SEPTIN6: variants seen among roughly 807,000 people sequenced by gnomAD.
SEPTIN6 encodes septin 6, also known as septin-6.
SEPTIN6 carries 8 observed loss-of-function variants against 33.6 expected under a neutral mutation model. The observed-to-expected ratio is 0.24, with a 90% CI of 0.14 to 0.43. The LOEUF is 0.43. Among genes scored for constraint, SEPTIN6 ranks in the 20% least tolerant of loss-of-function variants. SEPTIN6 has a pLI of 1.00. For missense variants in SEPTIN6, 250 were observed against 340.8 expected, an observed-to-expected ratio of 0.73 and a Z score of 2.10; for synonymous variants, 131 against 140.0, an observed-to-expected ratio of 0.94 and a Z score of 0.45.
intron 10 of SEPTIN6, among the ~76,000 whole-genome samples, chrX:119,620,767 C>T (rs1054979261): frequency 9.1e-6 from 1 of 110,359 alleles, no homozygotes; most frequent in African/African-American, 3.3e-5. Flanking sequence ...ATTACAGGCG[C>T]CTGCCACCAC....
intron 9 of SEPTIN6, among the ~76,000 whole-genome samples, chrX:119,626,231 TC>T (rs766423860): frequency 8.9e-6 from 1 of 112,191 alleles, no homozygotes; most frequent in East Asian, 2.8e-4. Context: ...GAGGGGTATC[TC>T]CCTGTTGGGG....
At chrX:119,664,535 A>G (rs1482760407) in intron 2 of SEPTIN6, among the ~76,000 whole-genome samples, 1 of 110,607 alleles carries the variant, frequency 9.0e-6, no homozygotes, top group Non-Finnish European at 1.9e-5. Context: ...TTTTTAAAAA[A>G]TGACAGCAGT....
At chrX:119,623,572 T>C (rs897669910) in intron 10 of SEPTIN6, among the ~76,000 whole-genome samples, 4 of 112,254 alleles carry the variant, frequency 3.6e-5, no homozygotes, top group Non-Finnish European at 7.5e-5. Flanking sequence ...GCGCGGTGGC[T>C]CACGCCTGTA....
At chrX:119,630,602 C>G (rs1246365797) in intron 8 of SEPTIN6, among the ~76,000 whole-genome samples, 1 of 112,100 alleles carries the variant, frequency 8.9e-6, no homozygotes. Flanking sequence ...GCCTGTAATA[C>G]CAGCACTTTG....
Position 119,675,534 on chromosome X carries a change from C to T in SEPTIN6, c.145+20G>A. On this transcript the variant is annotated intron_variant, in intron 2 of 10. Transcript: ENST00000394610. ...GGATCCATATTCTGTAATAGAATTT[C>T]CTGCTATGGAAATACTCACCCACGC... 1.0e-6 allele frequency: 1 copy of T among 975,669 alleles called. No individual in the cohort carries two copies. The highest frequency in any genetic ancestry group is 1.4e-6 in the Non-Finnish European group (1 of 721,084). The allele number at this position is 975,669 out of a possible 1,213,427, so 80.4% of individuals were successfully genotyped here.
intron 7 of SEPTIN6, among the ~76,000 whole-genome samples, chrX:119,635,809 C>T (rs2054051759): frequency 9.0e-6 from 1 of 111,473 alleles, no homozygotes; most frequent in Non-Finnish European, 1.9e-5. Context: ...CTGTCAAGGA[C>T]TTCTTGACAG....
chrX:119,618,590 G>A lies in SEPTIN6; in HGVS notation c.*1503C>T. ...GGTCATGGTCAGTGCCAGTGGGGCT[G>A]GGAGGCAGGAGCAAGTTGCGGAACT... On this transcript the variant is annotated 3_prime_UTR_variant, in exon 11 of 11. Coordinates refer to ENST00000394610, the MANE Select transcript of SEPTIN6 (RefSeq NM_145799.4). The A allele has an allele frequency of 9.7e-7, 1 of 1,033,654 alleles. No individual in the cohort carries two copies. Among genetic ancestry groups the A allele is most frequent in the Non-Finnish European group, 1.2e-6 (1 of 804,675 alleles). 85.2% of individuals were successfully genotyped at this position (1,033,654 alleles called of 1,213,427 possible). A position where few individuals can be genotyped will look rare whatever the true frequency, so the allele number is the denominator to read the frequency against.
intron 3 of SEPTIN6, among the ~76,000 whole-genome samples, chrX:119,659,633 C>T (rs1337513177): frequency 8.9e-6 from 1 of 111,891 alleles, no homozygotes; most frequent in Non-Finnish European, 1.9e-5. Flanking sequence ...ATGTGCTTCA[C>T]CACAACTCTC....
chrX:119,677,235 C>A (rs2054856625), intron 1 of SEPTIN6, among the ~76,000 whole-genome samples: 1 of 112,215 alleles, frequency 8.9e-6, no homozygotes, highest in African/African-American at 3.2e-5. Context: ...AGGGCCTTTG[C>A]TTCGCCTGCA....
intron 8 of SEPTIN6, among the ~76,000 whole-genome samples, chrX:119,629,770 T>C (rs950187712): frequency 8.9e-6 from 1 of 112,017 alleles, no homozygotes. Context: ...GACATTTTGT[T>C]AAAAAGAGTC....
At chrX:119,642,658 CTTGT>C (rs962761945) in intron 5 of SEPTIN6, among the ~76,000 whole-genome samples, 4 of 111,572 alleles carry the variant, frequency 3.6e-5, no homozygotes, top group African/African-American at 1.3e-4. Context: ...AAATCTGTCG[CTTGT>C]TTGTTTAATC....
chrX:119,652,612 G>A (rs1161283751), intron 4 of SEPTIN6, among the ~76,000 whole-genome samples: 1 of 111,547 alleles, frequency 9.0e-6, no homozygotes, highest in Non-Finnish European at 1.9e-5. Flanking sequence ...GAGCCATCTT[G>A]CTAGTCCCCA....
At chrX:119,661,831 G>A (rs1212995980) in intron 3 of SEPTIN6, among the ~76,000 whole-genome samples, 1 of 111,873 alleles carries the variant, frequency 8.9e-6, no homozygotes, top group African/African-American at 3.3e-5. Context: ...CCTGCCTCCC[G>A]GATTCAAGTG....
chrX:119,617,429 T>C lies in SEPTIN6; in HGVS notation c.*2664A>G, dbSNP rs763924315. The C allele has an allele frequency of 1.2e-6, 1 of 803,478 alleles. No individual in the cohort carries two copies. The highest frequency in any genetic ancestry group is 1.5e-6 in the Non-Finnish European group (1 of 669,714). The allele number at this position is 803,478 out of a possible 1,213,427, so 66.2% of individuals were successfully genotyped here. ...CACCAAACTTCCCTGATTATAAGGG[T>C]CACCTAGGGCACCTGTTACACACAG... On this transcript the variant is annotated 3_prime_UTR_variant, in exon 11 of 11. Transcript: ENST00000394610.
chrX:119,670,432 G>A (rs563739684), intron 2 of SEPTIN6, among the ~76,000 whole-genome samples: 9 of 107,003 alleles, frequency 8.4e-5, no homozygotes, highest in South Asian at 4.2e-4. Flanking sequence ...ATGGTGGTGC[G>A]CACCTGTGAT....
rs2053712630 is a variant in SEPTIN6, at chrX:119,619,409, C to T, written c.*684G>A. Reference sequence around the variant, plus strand: ...GGGAAACGTCTGCTATTTTCTTCAGCAGTTGTGTTTTATGGGAAGGGCTTG... The same window carrying T: ...GGGAAACGTCTGCTATTTTCTTCAGTAGTTGTGTTTTATGGGAAGGGCTTG... On this transcript the variant is annotated 3_prime_UTR_variant, in exon 11 of 11. Coordinates refer to ENST00000394610, the MANE Select transcript of SEPTIN6 (RefSeq NM_145799.4). The T allele has an allele frequency of 6.1e-6, 5 of 813,560 alleles. No homozygotes were observed. In the African/African-American group the frequency reaches 1.1e-4, roughly 18 times the overall value. 67.0% of individuals were successfully genotyped at this position (813,560 alleles called of 1,213,427 possible). A position where few individuals can be genotyped will look rare whatever the true frequency, so the allele number is the denominator to read the frequency against.
chrX:119,625,279 G>A lies in SEPTIN6; in HGVS notation c.*41+56C>T, dbSNP rs1417215750. The A allele has an allele frequency of 1.1e-5, 9 of 834,413 alleles. No individual in the cohort carries two copies. In the East Asian group the frequency reaches 1.9e-4, roughly 18 times the overall value. The allele number at this position is 834,413 out of a possible 1,213,427, so 68.8% of individuals were successfully genotyped here. A position where few individuals can be genotyped will look rare whatever the true frequency, so the allele number is the denominator to read the frequency against. ...TGCTTGTGTTGGGGGTGCGGGATTG[G>A]GGGAGATATGTTCTAGAAGCCACTG... On this transcript the variant is annotated intron_variant, in intron 10 of 10. Coordinates refer to ENST00000394610, the MANE Select transcript of SEPTIN6 (RefSeq NM_145799.4).
In SEPTIN6 at chrX:119,687,260, TTC is replaced by T. The variant is rs1411852437; in HGVS notation, c.30+5814_30+5815del. ...TTCTTTCATCTGTCTTTTTTTTTTT[TTC>T]TTTTTTGAGACGGAGTCTCACTCTG... On this transcript the variant is annotated intron_variant, in intron 1 of 10. Transcript: ENST00000394610. Among the ~76,000 whole-genome samples the T allele has an allele frequency of 3.8e-5, 4 of 105,532 alleles. No individual in the cohort carries two copies. In the South Asian group the frequency reaches 1.5e-3, roughly 39 times the overall value. 91.6% of individuals were successfully genotyped at this position (105,532 alleles called of 115,157 possible). A position where few individuals can be genotyped will look rare whatever the true frequency, so the allele number is the denominator to read the frequency against.
At chrX:119,684,482 GTTTTTTTTTTT>G (rs1199777223) in intron 1 of SEPTIN6, among the ~76,000 whole-genome samples, 1 of 79,451 alleles carries the variant, frequency 1.3e-5, no homozygotes, top group East Asian at 4.6e-4. Flanking sequence ...GTTCCCAGAG[GTTTTTTTTTTT>G]TTTTTTTTTT....
Sources: allele counts gnomAD v4.1 joint callset (sites outside exome capture counted in the v4.1 genomes callset), GRCh38; gene constraint gnomAD v4.1.1; transcripts MANE v1.5; gene names NCBI Gene and HGNC (gene_info 2026-07-23, HGNC 2026-07-21).